The following ANKRD12 variants were observed in gnomAD, a reference collection of about 807,000 sequenced individuals.
ANKRD12 encodes ankyrin repeat domain 12, also known as ankyrin repeat domain-containing protein 12.
A neutral mutation model predicts 183.4 loss-of-function variants in ANKRD12; 85 were observed. That is an observed-to-expected ratio of 0.46 (90% CI 0.39 to 0.56). The LOEUF is 0.56. Among genes scored for constraint, ANKRD12 ranks in the 20% least tolerant of loss-of-function variants. The pLI, the probability that ANKRD12 is intolerant of heterozygous loss-of-function variation, is 0.00. For synonymous variants in ANKRD12, 914 were observed against 800.2 expected (o/e 1.14, Z -2.40); for missense variants, 2,405 against 2,357.1 (o/e 1.02, Z -0.42).
At chr18:9,253,907 C>A (rs1046330983) in intron 8 of ANKRD12, among the ~76,000 whole-genome samples, 1 of 152,154 alleles carries the variant, frequency 6.6e-6, no homozygotes, top group African/African-American at 2.4e-5. Context: ...AAGAGATACA[C>A]GCTTCTATGT....
intron 10 of ANKRD12, among the ~76,000 whole-genome samples, chr18:9,275,303 AAT>A (rs36011042): frequency 5.3e-5 from 8 of 150,376 alleles, no homozygotes; most frequent in South Asian, 4.2e-4. Context: ...TGTCTCTAAA[AAT>A]ATATATATAT....
intron 8 of ANKRD12, among the ~76,000 whole-genome samples, chr18:9,241,543 G>T (rs2037662103): frequency 1.3e-5 from 2 of 152,120 alleles, no homozygotes; most frequent in African/African-American, 2.4e-5. Context: ...ATCAAGTTTG[G>T]TGTTCAGCAC....
chr18:9,247,725 TG>T (rs1259793256), intron 8 of ANKRD12, among the ~76,000 whole-genome samples: 1 of 152,206 alleles, frequency 6.6e-6, no homozygotes, highest in Non-Finnish European at 1.5e-5. Flanking sequence ...TAAATCTCCC[TG>T]ATAAATTTTC....
At chr18:9,148,710 G>A (rs888054580) in intron 1 of ANKRD12, among the ~76,000 whole-genome samples, 18 of 152,144 alleles carry the variant, frequency 1.2e-4, no homozygotes, top group Admixed American at 4.6e-4. Context: ...GCCACAATCT[G>A]GTCATTGTGC....
At chr18:9,172,907 G>A (rs1209768460) in intron 1 of ANKRD12, among the ~76,000 whole-genome samples, 1 of 149,062 alleles carries the variant, frequency 6.7e-6, no homozygotes, top group East Asian at 2.0e-4. Flanking sequence ...TTGTTTTTTT[G>A]TTTTTGTTTT....
chr18:9,237,289 A>G (rs111509518), intron 8 of ANKRD12, among the ~76,000 whole-genome samples: 6 of 152,316 alleles, frequency 3.9e-5, no homozygotes, highest in African/African-American at 1.4e-4. Flanking sequence ...GATGGGGTGA[A>G]TGGAGGTGTG....
intron 10 of ANKRD12, among the ~76,000 whole-genome samples, chr18:9,268,306 A>G (rs1212837196): frequency 1.3e-5 from 2 of 152,172 alleles, no homozygotes; most frequent in African/African-American, 2.4e-5. Context: ...CCTGGCAGAG[A>G]CACAACAACA....
At chr18:9,187,281 G>A (rs1460777582) in intron 2 of ANKRD12, among the ~76,000 whole-genome samples, 3 of 152,110 alleles carry the variant, frequency 2.0e-5, no homozygotes, top group Non-Finnish European at 4.4e-5. Context: ...AGCTGGATGT[G>A]TTGATACACA....
chr18:9,274,562 T>A (rs2039744509), intron 10 of ANKRD12, among the ~76,000 whole-genome samples: 1 of 151,756 alleles, frequency 6.6e-6, no homozygotes. Context: ...GTGGAGGGAG[T>A]AAGGAATGAC....
At chr18:9,190,262 A>G (rs1189047486) in intron 2 of ANKRD12, among the ~76,000 whole-genome samples, 2 of 152,226 alleles carry the variant, frequency 1.3e-5, no homozygotes, top group Non-Finnish European at 2.9e-5. Flanking sequence ...CTGAAATCTC[A>G]TGATCAAACT....
rs2038660952 is a variant in ANKRD12 at position 9,256,846 on chromosome 18, A to G, written c.3579A>G (p.Glu1193=). ...DNSLNRSPRS[E]NEKPGLSSRS... is the part of the protein sequence containing the mutation. ...GCTTAAACAGGTCTCCTAGATCAGA[A>G]AATGAAAAGCCGGGTCTCAGCTCCA... The change falls in exon 9 of 13, where the codon GAA becomes GAG. Residue 1193 remains glutamate (E), a synonymous_variant. Coordinates refer to ENST00000262126, the MANE Select transcript of ANKRD12 (RefSeq NM_015208.5). 2.5e-6 allele frequency: 4 copies of G among 1,613,860 alleles called. No individual in the cohort carries two copies. The highest frequency in any genetic ancestry group is 2.5e-6 in the Non-Finnish European group (3 of 1,179,946).
chr18:9,156,008 G>A (rs1382218476), intron 1 of ANKRD12, among the ~76,000 whole-genome samples: 1 of 151,844 alleles, frequency 6.6e-6, no homozygotes, highest in Non-Finnish European at 1.5e-5. Flanking sequence ...GGTATTGCAT[G>A]CTTGTAATCC....
At position 9,256,958 on chromosome 18, in the gene ANKRD12, T is replaced by C; in HGVS notation, c.3691T>C (p.Ser1231Pro). Residue 1231 changes from serine (S) to proline (P), a missense_variant, in exon 9 of 13, where the codon TCT becomes CCT. Around this residue, in one of 7 missense-constraint regions of ANKRD12, gnomAD observed 1,983 missense variants for 1,725.9 expected, o/e 1.15. Coordinates refer to ENST00000262126, the MANE Select transcript of ANKRD12 (RefSeq NM_015208.5). The stretch of plus-strand genomic sequence containing the variant: ...CCCAAGGCCTCCAGTTGAGTATGAC[T>C]CTGACTTTATGTTAGAGAGTTCAGA... Reference protein sequence around the residue: ...TTPRPPVEYDSDFMLESSESQ... With the variant: ...TTPRPPVEYDPDFMLESSESQ... 5.0e-6 allele frequency: 8 copies of C among 1,614,140 alleles called. No homozygotes were observed. The highest frequency in any genetic ancestry group is 2.2e-5 in the South Asian group (2 of 91,090).
intron 8 of ANKRD12, chr18:9,235,529 A>G (rs1423836715): frequency 2.8e-6 from 1 of 354,756 alleles, no homozygotes; most frequent in Non-Finnish European, 5.9e-6. Context: ...CTAACACCAC[A>G]TAAAGAGAAA....
chr18:9,194,557 A>G (rs1325820981), intron 2 of ANKRD12, among the ~76,000 whole-genome samples: 2 of 152,014 alleles, frequency 1.3e-5, no homozygotes, highest in Non-Finnish European at 2.9e-5. Flanking sequence ...GGATTTCACC[A>G]TATTGGCCAG....
intron 4 of ANKRD12, among the ~76,000 whole-genome samples, chr18:9,206,850 TCAAAA>T (rs1005232666): frequency 6.6e-6 from 1 of 152,010 alleles, no homozygotes; most frequent in African/African-American, 2.4e-5. Context: ...TAAAATGCAG[TCAAAA>T]CAAAAAAGGC....
At position 9,282,437 on chromosome 18, in the gene ANKRD12, A is replaced by T. The variant is rs548824730; in HGVS notation, c.*1311A>T. Reference sequence around the variant, plus strand: ...TTTTATAATTGAAATAAAACTTGGTATGCTGTTTTATAATAAATTAGCAAT... The same window carrying T: ...TTTTATAATTGAAATAAAACTTGGTTTGCTGTTTTATAATAAATTAGCAAT... On this transcript the variant is annotated 3_prime_UTR_variant, in exon 13 of 13. Transcript: ENST00000262126. 4 of 152,708 alleles carry T rather than the reference A, an allele frequency of 2.6e-5. No individual in the cohort carries two copies. In the East Asian group the frequency reaches 7.7e-4, roughly 29 times the overall value. The allele number at this position is 152,708 out of a possible 1,614,324, so 9.5% of individuals were successfully genotyped here.
At chr18:9,234,692 G>A (rs540085503) in intron 8 of ANKRD12, among the ~76,000 whole-genome samples, 1 of 152,102 alleles carries the variant, frequency 6.6e-6, no homozygotes, top group Non-Finnish European at 1.5e-5. Context: ...CTGGGCTGTC[G>A]TGGTGGTGCC....
intron 1 of ANKRD12, among the ~76,000 whole-genome samples, chr18:9,162,466 T>C (rs1454962843): frequency 6.6e-6 from 1 of 152,142 alleles, no homozygotes; most frequent in East Asian, 1.9e-4. Flanking sequence ...GGCATTGGGG[T>C]TGATTCCATG....
Sources: allele counts gnomAD v4.1 joint callset (sites outside exome capture counted in the v4.1 genomes callset), GRCh38; gene constraint gnomAD v4.1.1; regional missense constraint gnomAD v4.1.1; transcripts MANE v1.5; gene names NCBI Gene and HGNC (gene_info 2026-07-23, HGNC 2026-07-21).